PCDHGA6: variants seen among roughly 807,000 people sequenced by gnomAD.
PCDHGA6 encodes the protein protocadherin gamma subfamily A, 6.
In PCDHGA6, 41 loss-of-function variants were observed where a neutral mutation model predicts 60.6. That is an observed-to-expected ratio of 0.68 (90% CI 0.53 to 0.88). The LOEUF (loss-of-function observed/expected upper bound fraction) is 0.88, where lower values mean the gene tolerates loss of function less well. PCDHGA6 is among the 40% of genes least tolerant of loss of function. The pLI, the probability that PCDHGA6 is intolerant of heterozygous loss-of-function variation, is 0.00. For missense variants in PCDHGA6, 1,312 were observed against 1,203.0 expected (o/e 1.09, Z -1.34); for synonymous variants, 594 against 524.4 (o/e 1.13, Z -1.81).
At chr5:141,385,158 T>C in intron 1 of PCDHGA6, 2 of 1,614,212 alleles carry the variant, frequency 1.2e-6, no homozygotes, top group African/African-American at 2.7e-5. Context: ...TGCAGACCTA[T>C]TCCCATGAGG....
intron 1 of PCDHGA6, chr5:141,404,805 C>G (rs770534822): frequency 1.3e-5 from 21 of 1,613,960 alleles, no homozygotes; most frequent in Non-Finnish European, 1.8e-5. Context: ...GGGCTCTTCT[C>G]GGTGGGGCTG....
At chr5:141,399,557 TG>T in intron 1 of PCDHGA6, 1 of 1,613,968 alleles carries the variant, frequency 6.2e-7, no homozygotes, top group Non-Finnish European at 8.5e-7. Context: ...GACCTGGACT[TG>T]GGGTTGAACG....
At chr5:141,422,588 C>A in intron 1 of PCDHGA6, 1 of 1,614,056 alleles carries the variant, frequency 6.2e-7, no homozygotes, top group South Asian at 1.1e-5. Flanking sequence ...CCCGTTTTTC[C>A]TCACTCCTCT....
chr5:141,429,697 C>T (rs2097236349), intron 1 of PCDHGA6, among the ~76,000 whole-genome samples: 1 of 152,134 alleles, frequency 6.6e-6, no homozygotes, highest in African/African-American at 2.4e-5. Context: ...AATATCTTTA[C>T]AGTATAAATA....
chr5:141,422,314 C>G (rs1207977453), intron 1 of PCDHGA6: 2 of 1,547,838 alleles, frequency 1.3e-6, no homozygotes, highest in Non-Finnish European at 1.7e-6. Context: ...AAACTCTCCT[C>G]CAGGTACAGT....
intron 1 of PCDHGA6, chr5:141,410,314 C>T: frequency 6.2e-7 from 1 of 1,614,036 alleles, no homozygotes; most frequent in Non-Finnish European, 8.5e-7. Context: ...TGCTCTTCCT[C>T]CTCGCCGTGA....
At chr5:141,421,281 C>T in intron 1 of PCDHGA6, 2 of 1,612,970 alleles carry the variant, frequency 1.2e-6, no homozygotes, top group South Asian at 2.2e-5. Flanking sequence ...TGCTGCTGTG[C>T]ATTTTCCTGG....
intron 2 of PCDHGA6, among the ~76,000 whole-genome samples, chr5:141,501,821 G>A (rs910825533): frequency 1.3e-5 from 2 of 152,028 alleles, no homozygotes; most frequent in Non-Finnish European, 2.9e-5. Context: ...ATAATTGGCA[G>A]CCCACCCACC....
intron 1 of PCDHGA6, chr5:141,413,167 C>G: frequency 6.3e-7 from 1 of 1,590,828 alleles, no homozygotes; most frequent in Non-Finnish European, 8.6e-7. Context: ...ATTCTGTAAC[C>G]AGACTACAAT....
chr5:141,478,092 C>T (rs2099429960), intron 1 of PCDHGA6: 1 of 1,614,156 alleles, frequency 6.2e-7, no homozygotes, highest in Non-Finnish European at 8.5e-7. Flanking sequence ...CTCTCCACCA[C>T]TGCTACCCTC....
At chr5:141,381,012 AC>A (rs1776931879) in intron 1 of PCDHGA6, among the ~76,000 whole-genome samples, 1 of 152,354 alleles carries the variant, frequency 6.6e-6, no homozygotes, top group South Asian at 2.1e-4. Context: ...CATCTATAAT[AC>A]CTCTATTAGT....
chr5:141,404,278 G>T (rs780738049), intron 1 of PCDHGA6: 7 of 1,613,962 alleles, frequency 4.3e-6, no homozygotes, highest in Admixed American at 3.3e-5. Flanking sequence ...CCCTGCAAGT[G>T]ACTGACATCA....
intron 1 of PCDHGA6, chr5:141,426,170 T>G (rs2096918811): frequency 6.4e-6 from 1 of 155,200 alleles, no homozygotes. Flanking sequence ...CCATACGGAT[T>G]GGGGTGCCCT....
intron 2 of PCDHGA6, 80 bp downstream of exon 2, chr5:141,494,945 C>G (rs2099757788): frequency 6.2e-7 from 1 of 1,608,958 alleles, no homozygotes; most frequent in Non-Finnish European, 8.5e-7. Flanking sequence ...GGGGGAGGGC[C>G]CAGCATTTGC....
intron 1 of PCDHGA6, among the ~76,000 whole-genome samples, chr5:141,463,128 A>G (rs914895217): frequency 1.5e-4 from 23 of 152,190 alleles, no homozygotes; most frequent in Admixed American, 1.4e-3. Context: ...GCTCCCTGGC[A>G]GTTCTTCGCC....
intron 1 of PCDHGA6, chr5:141,417,635 G>C (rs1195744332): frequency 1.4e-6 from 1 of 724,902 alleles, no homozygotes; most frequent in Non-Finnish European, 2.1e-6. Flanking sequence ...CTGACGCCGG[G>C]GATCCCTCAG....
At chr5:141,488,021 C>A (rs570700985) in intron 1 of PCDHGA6, among the ~76,000 whole-genome samples, 1 of 152,244 alleles carries the variant, frequency 6.6e-6, no homozygotes, top group East Asian at 1.9e-4. Flanking sequence ...TACCTTAACT[C>A]TAGGTTACCA....
chr5:141,394,033 G>A, intron 1 of PCDHGA6: 7 of 1,613,540 alleles, frequency 4.3e-6, no homozygotes, highest in Non-Finnish European at 5.9e-6. Context: ...TTAGTGACAA[G>A]GAAATATTTG....
chr5:141,433,093 G>A (rs1203083573), intron 1 of PCDHGA6: 4 of 1,614,206 alleles, frequency 2.5e-6, no homozygotes, highest in Admixed American at 1.7e-5. Flanking sequence ...ATGCAGACAT[G>A]CTCGTCAGCC....
Sources: allele counts gnomAD v4.1 joint callset (sites outside exome capture counted in the v4.1 genomes callset), GRCh38; gene constraint gnomAD v4.1.1; transcripts MANE v1.5; gene names NCBI Gene and HGNC (gene_info 2026-07-23, HGNC 2026-07-21).